GALNT18: variants seen among roughly 807,000 people sequenced by gnomAD.
The protein encoded by GALNT18 is polypeptide N-acetylgalactosaminyltransferase 18, also known as GalNAc-transferase 18.
In GALNT18, 44 loss-of-function variants were observed where a neutral mutation model predicts 69.5. The observed-to-expected ratio is 0.63, with a 90% CI of 0.50 to 0.81. The LOEUF is 0.81. GALNT18 is among the 40% of genes least tolerant of loss of function. The pLI is 0.00. For synonymous variants in GALNT18, 364 were observed against 318.2 expected (o/e 1.14, Z -1.53); for missense variants, 715 against 810.0 (o/e 0.88, Z 1.42).
intron 6 of GALNT18, among the ~76,000 whole-genome samples, chr11:11,370,142 C>T (rs1850866195): frequency 6.6e-6 from 1 of 152,034 alleles, no homozygotes; most frequent in Non-Finnish European, 1.5e-5. Context: ...GACATAAGTG[C>T]CAGTAAAACC....
chr11:11,283,615 C>T (rs572468828), intron 10 of GALNT18, among the ~76,000 whole-genome samples: 2 of 152,318 alleles, frequency 1.3e-5, no homozygotes, highest in Admixed American at 6.5e-5. Flanking sequence ...GGCCCAGTCT[C>T]ATGGCTCTAG....
intron 3 of GALNT18, among the ~76,000 whole-genome samples, chr11:11,412,976 G>C (rs1382942907): frequency 6.6e-6 from 1 of 152,152 alleles, no homozygotes; most frequent in South Asian, 2.1e-4. Context: ...CCTCTCTCAA[G>C]GGGGATCATT....
At chr11:11,589,830 G>T (rs1228091183) in intron 1 of GALNT18, among the ~76,000 whole-genome samples, 1 of 152,172 alleles carries the variant, frequency 6.6e-6, no homozygotes, top group East Asian at 1.9e-4. Flanking sequence ...TCCATGGAAG[G>T]GAAAGGGAGA....
chr11:11,582,138 G>A lies in GALNT18; in HGVS notation c.235+39221C>T, dbSNP rs1361161992. On this transcript the variant is annotated intron_variant, in intron 1 of 10. Coordinates refer to ENST00000227756, the MANE Select transcript of GALNT18 (RefSeq NM_198516.3). The surrounding 1 kb of genome is among the most constrained non-coding windows in gnomAD (Gnocchi z 5.0). Reference sequence around the variant, plus strand: ...CCTCCCTGGAGAGGTGACATATGGGGAAGAGGGCTGAACAAAGTGAAGAGG... The same window carrying A: ...CCTCCCTGGAGAGGTGACATATGGGAAAGAGGGCTGAACAAAGTGAAGAGG... Among the ~76,000 whole-genome samples the A allele has an allele frequency of 6.6e-6, 1 of 152,120 alleles. No homozygotes were observed. Among genetic ancestry groups the A allele is most frequent in the Admixed American group, 6.5e-5 (1 of 15,284 alleles).
intron 9 of GALNT18, among the ~76,000 whole-genome samples, chr11:11,296,787 G>A (rs1279697337): frequency 6.6e-6 from 1 of 152,144 alleles, no homozygotes; most frequent in Admixed American, 6.5e-5. Context: ...AAACAACAAA[G>A]TGCCTCTTGA....
In GALNT18 at chr11:11,377,422, G is replaced by A; in HGVS notation, c.780-43C>T. 1 of 1,589,254 alleles carries A rather than the reference G, an allele frequency of 6.3e-7. No homozygotes were observed. The highest frequency in any genetic ancestry group is 8.6e-7 in the Non-Finnish European group (1 of 1,159,260). On this transcript the variant is annotated intron_variant, in intron 4 of 10. Coordinates refer to ENST00000227756, the MANE Select transcript of GALNT18 (RefSeq NM_198516.3). This position sits in a 1 kb window ranked among gnomAD's most constrained non-coding sequence, Gnocchi z 4.6. ...AGCCAGAGAGGGTAACCATTTCCAA[G>A]GTGGAAAAATCCAGAGTAGCATCTC...
chr11:11,360,587 A>C (rs1850623858), intron 6 of GALNT18, among the ~76,000 whole-genome samples: 1 of 152,000 alleles, frequency 6.6e-6, no homozygotes, highest in Non-Finnish European at 1.5e-5. Flanking sequence ...TTTACAACTA[A>C]GATAGGGTTC....
chr11:11,458,192 C>T (rs1000928613), intron 1 of GALNT18, among the ~76,000 whole-genome samples: 5 of 152,160 alleles, frequency 3.3e-5, no homozygotes, highest in African/African-American at 1.2e-4. Flanking sequence ...AGATGGAAAC[C>T]GACTGTCAGA....
intron 2 of GALNT18, among the ~76,000 whole-genome samples, chr11:11,443,543 AG>A (rs1359763278): frequency 2.6e-5 from 4 of 151,986 alleles, no homozygotes; most frequent in African/African-American, 9.7e-5. Flanking sequence ...AAGGAGAAAG[AG>A]GGTGGACACC....
intron 1 of GALNT18, among the ~76,000 whole-genome samples, chr11:11,473,670 A>T (rs115971985): frequency 0.31 from 47,213 of 152,024 alleles, 7,876 homozygotes; most frequent in Middle Eastern, 0.42. Context: ...GTATGCACAC[A>T]GGGGGAGAGA....
At chr11:11,431,314 C>T (rs4909998) in intron 3 of GALNT18, among the ~76,000 whole-genome samples, 87,941 of 151,966 alleles carry the variant, frequency 0.58, 26,635 homozygotes, top group East Asian at 0.71. Flanking sequence ...GTGGGGCAGG[C>T]TAGTCAGGCT....
intron 7 of GALNT18, among the ~76,000 whole-genome samples, chr11:11,333,413 A>G (rs1408456556): frequency 1.3e-5 from 2 of 152,206 alleles, no homozygotes; most frequent in African/African-American, 2.4e-5. Context: ...AAGTAGCACT[A>G]CATAATCCTC....
rs982238799 is a variant in GALNT18 at position 11,603,035 on chromosome 11, G to A, written c.235+18324C>T. On this transcript the variant is annotated intron_variant, in intron 1 of 10. Transcript: ENST00000227756. This position sits in a 1 kb window ranked among gnomAD's most constrained non-coding sequence, Gnocchi z 4.5. Reference sequence around the variant, plus strand: ...AGAATATTAAATTGCTAAAAACTCTGGTTATCCTGAAAAGTTCAAAGGGAC... The same window carrying A: ...AGAATATTAAATTGCTAAAAACTCTAGTTATCCTGAAAAGTTCAAAGGGAC... Among the ~76,000 whole-genome samples the A allele has an allele frequency of 5.3e-5, 8 of 152,148 alleles. No individual in the cohort carries two copies. The highest frequency in any genetic ancestry group is 8.8e-5 in the Non-Finnish European group (6 of 68,022).
chr11:11,426,423 C>T (rs1855131587), intron 3 of GALNT18, among the ~76,000 whole-genome samples: 1 of 152,232 alleles, frequency 6.6e-6, no homozygotes, highest in African/African-American at 2.4e-5. Context: ...CAGTGACTCA[C>T]AAAGAATCAG....
chr11:11,468,321 C>T (rs1856195464), intron 1 of GALNT18, among the ~76,000 whole-genome samples: 1 of 152,182 alleles, frequency 6.6e-6, no homozygotes, highest in African/African-American at 2.4e-5. Flanking sequence ...GTTGAGGGCT[C>T]CTGAATATAC....
At chr11:11,481,533 G>A (rs1431934492) in intron 1 of GALNT18, among the ~76,000 whole-genome samples, 2 of 152,202 alleles carry the variant, frequency 1.3e-5, no homozygotes, top group African/African-American at 2.4e-5. Flanking sequence ...TTTCCCAAGG[G>A]ACAAGGGAAC....
rs948150841 is a variant in GALNT18, at chr11:11,605,392, C to G, written c.235+15967G>C. 6.6e-6 allele frequency among the ~76,000 whole-genome samples: 1 copy of G among 152,202 alleles called. No homozygotes were observed. The highest frequency in any genetic ancestry group is 1.5e-5 in the Non-Finnish European group (1 of 68,044). ...CCCTCTCCTCACTGCAGACCTTTCC[C>G]GACACCTGTCTCCTGAGTGCGAAAC... On this transcript the variant is annotated intron_variant, in intron 1 of 10. Transcript: ENST00000227756. The surrounding 1 kb of genome is among the most constrained non-coding windows in gnomAD (Gnocchi z 4.7).
chr11:11,278,118 A>G (rs1397398796), intron 10 of GALNT18, among the ~76,000 whole-genome samples: 1 of 151,716 alleles, frequency 6.6e-6, no homozygotes, highest in Non-Finnish European at 1.5e-5. Flanking sequence ...GTCTCCCACT[A>G]TTATTGTGTG....
In GALNT18 at chr11:11,470,086, T is replaced by C. The variant is rs1032204490; in HGVS notation, c.236-21150A>G. 6.6e-6 allele frequency among the ~76,000 whole-genome samples: 1 copy of C among 152,214 alleles called. No individual in the cohort carries two copies. The highest frequency in any genetic ancestry group is 2.4e-5 in the African/African-American group (1 of 41,452). ...CTGCCTCTCAGGTTACTTTTGCCAA[T>C]TGACAGGGACACTTGGATGAGGATG... On this transcript the variant is annotated intron_variant, in intron 1 of 10. Transcript: ENST00000227756. The surrounding 1 kb of genome is among the most constrained non-coding windows in gnomAD (Gnocchi z 4.8).
Sources: gnomAD v4.1 joint callset for allele counts (sites outside exome capture counted in the v4.1 genomes callset) on GRCh38, gnomAD v4.1.1 for gene constraint, Gnocchi (gnomAD v3.1) non-coding constraint, MANE v1.5 for transcripts, NCBI Gene and HGNC (gene_info 2026-07-23, HGNC 2026-07-21) for gene names.